The following BBLN variants were observed in gnomAD, a reference collection of about 807,000 sequenced individuals.
BBLN encodes the protein bublin coiled coil protein.
In BBLN, 6 loss-of-function variants were observed where a neutral mutation model predicts 7.6. The ratio of observed to expected loss-of-function variants is 0.79; its 90% CI spans 0.43 to 1.55. The LOEUF (loss-of-function observed/expected upper bound fraction) is 1.55, where lower values mean the gene tolerates loss of function less well. BBLN is among the 40% of genes most tolerant of loss of function. The pLI, the probability that BBLN is intolerant of heterozygous loss-of-function variation, is 0.01. For synonymous variants in BBLN, 35 were observed against 46.7 expected (o/e 0.75, Z 1.02); for missense variants, 100 against 111.1 (o/e 0.90, Z 0.45).
rs1829240892 is a variant in BBLN, at chr9:128,160,359, G to C, written c.-49G>C. 1.7e-6 allele frequency: 2 copies of C among 1,149,464 alleles called. No individual in the cohort carries two copies. Among genetic ancestry groups the C allele is most frequent in the Admixed American group, 4.2e-5 (1 of 23,646 alleles). 71.2% of individuals were successfully genotyped at this position (1,149,464 alleles called of 1,614,324 possible). On this transcript the variant is annotated 5_prime_UTR_variant, in exon 1 of 2. Coordinates refer to ENST00000372994, the MANE Select transcript of BBLN (RefSeq NM_024112.4). ...ATCCGGCGCCGGCTTTCGGCGCGAC[G>C]GTCGCCGCGTTCCATCGTCGCGCGG...
Position 128,160,388 on chromosome 9 carries a change from T to C in BBLN, c.-20T>C. ...GCCGCGTTCCATCGTCGCGCGGCCCTTCGGGCGCCCGAGCCCGCAATGTCG... is the reference window on the plus strand; with the variant it reads ...GCCGCGTTCCATCGTCGCGCGGCCCCTCGGGCGCCCGAGCCCGCAATGTCG... On this transcript the variant is annotated 5_prime_UTR_variant, in exon 1 of 2. Coordinates refer to ENST00000372994, the MANE Select transcript of BBLN (RefSeq NM_024112.4). 1 of 1,248,716 alleles carries C rather than the reference T, an allele frequency of 8.0e-7. No homozygotes were observed. The highest frequency in any genetic ancestry group is 3.5e-5 in the South Asian group (1 of 28,686). 77.4% of individuals were successfully genotyped at this position (1,248,716 alleles called of 1,614,324 possible).
At position 128,163,378 on chromosome 9, in the gene BBLN, G is replaced by A; in HGVS notation, c.80-65G>A. ...GGGAAGCAGGCTGGGAAACAGTGGA[G>A]GGAGGGTGTCCATTAGCCCCAAGGA... On this transcript the variant is annotated intron_variant, in intron 1 of 1. Transcript: ENST00000372994. The surrounding 1 kb of genome is among the most constrained non-coding windows in gnomAD (Gnocchi z 5.7). The A allele has an allele frequency of 7.1e-7, 1 of 1,410,318 alleles. No individual in the cohort carries two copies. The highest frequency in any genetic ancestry group is 9.5e-7 in the Non-Finnish European group (1 of 1,053,158). 87.4% of individuals were successfully genotyped at this position (1,410,318 alleles called of 1,614,324 possible). A position where few individuals can be genotyped will look rare whatever the true frequency, so the allele number is the denominator to read the frequency against.
At chr9:128,160,625 C>A in intron 1 of BBLN, 139 bp downstream of exon 1, 1 of 676,588 alleles carries the variant, frequency 1.5e-6, no homozygotes, top group Non-Finnish European at 2.4e-6. Context: ...TAGGTGCTGT[C>A]TCGGATGCAG....
At chr9:128,160,754 C>T (rs1829245852) in intron 1 of BBLN, among the ~76,000 whole-genome samples, 1 of 152,244 alleles carries the variant, frequency 6.6e-6, no homozygotes, top group Non-Finnish European at 1.5e-5. Context: ...CCTTGCTCCA[C>T]CACTTCCTTC....
chr9:128,162,450 G>C (rs988245721), intron 1 of BBLN: 1 of 152,628 alleles, frequency 6.6e-6, no homozygotes. Flanking sequence ...TGGAGTGGCC[G>C]TGGAGGGGAG....
At chr9:128,161,236 G>GAAA (rs1463833640) in intron 1 of BBLN, among the ~76,000 whole-genome samples, 1 of 151,336 alleles carries the variant, frequency 6.6e-6, no homozygotes, top group East Asian at 2.0e-4. Flanking sequence ...CATGCTCTTT[G>GAAA]TTTTGTTTGG....
Position 128,163,090 on chromosome 9 carries a change from G to A in BBLN, c.80-353G>A. 5.6e-6 allele frequency: 1 copy of A among 179,884 alleles called. No individual in the cohort carries two copies. Among genetic ancestry groups the A allele is most frequent in the Non-Finnish European group, 1.2e-5 (1 of 85,800 alleles). 11.1% of individuals were successfully genotyped at this position (179,884 alleles called of 1,614,324 possible). On this transcript the variant is annotated intron_variant, in intron 1 of 1. Coordinates refer to ENST00000372994, the MANE Select transcript of BBLN (RefSeq NM_024112.4). This position sits in a 1 kb window ranked among gnomAD's most constrained non-coding sequence, Gnocchi z 5.7. ...GGCTGGCGAACAGGGCCCATCTGGG[G>A]ACAGAGGCCTTGAATGCCCAACTCA...
rs113035711 is a variant in BBLN, at chr9:128,161,813, A to G, written c.79+1327A>G. ...CTGCCACCACGCCTGGCTAATTTTTATACATCTTTAGTAGAGACAATGTTT... is the reference window on the plus strand; with the variant it reads ...CTGCCACCACGCCTGGCTAATTTTTGTACATCTTTAGTAGAGACAATGTTT... On this transcript the variant is annotated intron_variant, in intron 1 of 1. Coordinates refer to ENST00000372994, the MANE Select transcript of BBLN (RefSeq NM_024112.4). 5.4e-4 allele frequency among the ~76,000 whole-genome samples: 81 copies of G among 151,312 alleles called. 4 individuals carry two copies. Among genetic ancestry groups the G allele is most frequent in the African/African-American group, 1.8e-3 (76 of 41,270 alleles).
intron 1 of BBLN, among the ~76,000 whole-genome samples, 163 bp downstream of exon 1, chr9:128,160,649 G>T (rs1829244857): frequency 6.6e-6 from 1 of 152,228 alleles, no homozygotes; most frequent in Non-Finnish European, 1.5e-5. Context: ...GAGCACCCGC[G>T]AGCCGGTTCC....
Position 128,163,812 on chromosome 9 carries a change from C to T in BBLN, c.*197C>T, listed in dbSNP as rs1206309870. ...GCCAGCCCCCACCACCTGGCATGCC[C>T]TCCTGGGGCCAAGAGTGGGCCTGCA... On this transcript the variant is annotated 3_prime_UTR_variant, in exon 2 of 2. Coordinates refer to ENST00000372994, the MANE Select transcript of BBLN (RefSeq NM_024112.4). The surrounding 1 kb of genome is among the most constrained non-coding windows in gnomAD (Gnocchi z 5.7). 4 of 532,508 alleles carry T rather than the reference C, an allele frequency of 7.5e-6. No homozygotes were observed. In the East Asian group the frequency reaches 9.7e-5, roughly 13 times the overall value. 33.0% of individuals were successfully genotyped at this position (532,508 alleles called of 1,614,324 possible). A position where few individuals can be genotyped will look rare whatever the true frequency, so the allele number is the denominator to read the frequency against.
In BBLN at chr9:128,160,349, T is replaced by A; in HGVS notation, c.-59T>A. ...TCCACCTTCCATCCGGCGCCGGCTT[T>A]CGGCGCGACGGTCGCCGCGTTCCAT... On this transcript the variant is annotated 5_prime_UTR_variant, in exon 1 of 2. Coordinates refer to ENST00000372994, the MANE Select transcript of BBLN (RefSeq NM_024112.4). 9.3e-7 allele frequency: 1 copy of A among 1,076,548 alleles called. No homozygotes were observed. Among genetic ancestry groups the A allele is most frequent in the Non-Finnish European group, 1.2e-6 (1 of 840,562 alleles). 66.7% of individuals were successfully genotyped at this position (1,076,548 alleles called of 1,614,324 possible).
chr9:128,160,486 G>A lies in BBLN; in HGVS notation c.79G>A (p.Glu27Lys). 3.1e-6 allele frequency: 4 copies of A among 1,273,610 alleles called. No individual in the cohort carries two copies. The highest frequency in any genetic ancestry group is 4.0e-6 in the Non-Finnish European group (4 of 1,001,114). The allele number at this position is 1,273,610 out of a possible 1,614,324, so 78.9% of individuals were successfully genotyped here. A position where few individuals can be genotyped will look rare whatever the true frequency, so the allele number is the denominator to read the frequency against. Reference sequence around the variant, plus strand: ...CGAGGAGGACGGCTTCGGGGAAGCAGGTGACCCGAGGGGGCTGCTGGAGCA... The same window carrying A: ...CGAGGAGGACGGCTTCGGGGAAGCAAGTGACCCGAGGGGGCTGCTGGAGCA... Reference protein sequence around the residue: ...EGEEDGFGEAEYAAINSMLDQ... With the variant: ...EGEEDGFGEAKYAAINSMLDQ... The change falls in exon 1 of 2, where the codon GAA (glutamate) becomes AAA (lysine). Residue 27 changes from glutamate (E) to lysine (K), a missense_variant and splice_region_variant. By Grantham distance (56) the Glu-to-Lys change is moderately conservative (BLOSUM62 1). Transcript: ENST00000372994.
At position 128,160,395 on chromosome 9, in the gene BBLN, G is replaced by T. The variant is rs1287981910; in HGVS notation, c.-13G>T. ...TCCATCGTCGCGCGGCCCTTCGGGC[G>T]CCCGAGCCCGCAATGTCGGGCCCCA... is the stretch of plus-strand genomic sequence containing the variant. On this transcript the variant is annotated 5_prime_UTR_variant, in exon 1 of 2. Coordinates refer to ENST00000372994, the MANE Select transcript of BBLN (RefSeq NM_024112.4). 2 of 1,251,314 alleles carry T rather than the reference G, an allele frequency of 1.6e-6. No homozygotes were observed. The highest frequency in any genetic ancestry group is 2.0e-6 in the Non-Finnish European group (2 of 992,112). 77.5% of individuals were successfully genotyped at this position (1,251,314 alleles called of 1,614,324 possible).
At position 128,160,319 on chromosome 9, in the gene BBLN, C is replaced by A; in HGVS notation, c.-89C>A. The A allele has an allele frequency of 2.8e-6, 2 of 706,926 alleles. No individual in the cohort carries two copies. Among genetic ancestry groups the A allele is most frequent in the South Asian group, 6.2e-5 (1 of 16,134 alleles). The allele number at this position is 706,926 out of a possible 1,614,324, so 43.8% of individuals were successfully genotyped here. Reference sequence around the variant, plus strand: ...ACCCTTCCGGCCCGTGTTCTATCCGCCGCCTCCACCTTCCATCCGGCGCCG... The same window carrying A: ...ACCCTTCCGGCCCGTGTTCTATCCGACGCCTCCACCTTCCATCCGGCGCCG... On this transcript the variant is annotated 5_prime_UTR_variant, in exon 1 of 2. Coordinates refer to ENST00000372994, the MANE Select transcript of BBLN (RefSeq NM_024112.4).
rs1052203 is a variant in BBLN, at chr9:128,163,736, C to T, written c.*121C>T. On this transcript the variant is annotated 3_prime_UTR_variant, in exon 2 of 2. Coordinates refer to ENST00000372994, the MANE Select transcript of BBLN (RefSeq NM_024112.4). This position sits in a 1 kb window ranked among gnomAD's most constrained non-coding sequence, Gnocchi z 5.7. ...TGGCCTTCAGGGACCCCTGGTGGGT[C>T]TGCCTGCCTGGGCCACCCTTCCTGC... 1 of 890,654 alleles carries T rather than the reference C, an allele frequency of 1.1e-6. No individual in the cohort carries two copies. Among genetic ancestry groups the T allele is most frequent in the South Asian group, 2.1e-5 (1 of 46,892 alleles). The allele number at this position is 890,654 out of a possible 1,614,324, so 55.2% of individuals were successfully genotyped here.
chr9:128,163,502 G>A lies in BBLN; in HGVS notation c.139G>A (p.Glu47Lys). The A allele has an allele frequency of 1.2e-6, 2 of 1,612,472 alleles. No homozygotes were observed. The highest frequency in any genetic ancestry group is 1.7e-6 in the Non-Finnish European group (2 of 1,179,068). The change falls in exon 2 of 2, where the codon GAG becomes AAG. Residue 47 changes from glutamate to lysine, a missense_variant. Coordinates refer to ENST00000372994, the MANE Select transcript of BBLN (RefSeq NM_024112.4). The surrounding 1 kb of genome is among the most constrained non-coding windows in gnomAD (Gnocchi z 5.7). ...QINSCLDHLE[E>K]KNDHLHARLQ... Reference sequence around the variant, plus strand: ...CAACTCCTGTCTGGACCACCTGGAGGAGAAGAATGACCACCTCCACGCCCG... The same window carrying A: ...CAACTCCTGTCTGGACCACCTGGAGAAGAAGAATGACCACCTCCACGCCCG...
Position 128,160,332 on chromosome 9 carries a change from C to T in BBLN, c.-76C>T. ...GTGTTCTATCCGCCGCCTCCACCTT[C>T]CATCCGGCGCCGGCTTTCGGCGCGA... is the stretch of plus-strand genomic sequence containing the variant. On this transcript the variant is annotated 5_prime_UTR_variant, in exon 1 of 2. Transcript: ENST00000372994. 1.2e-6 allele frequency: 1 copy of T among 855,636 alleles called. No individual in the cohort carries two copies. The highest frequency in any genetic ancestry group is 1.6e-6 in the Non-Finnish European group (1 of 640,508). The allele number at this position is 855,636 out of a possible 1,614,324, so 53.0% of individuals were successfully genotyped here. A position where few individuals can be genotyped will look rare whatever the true frequency, so the allele number is the denominator to read the frequency against.
intron 1 of BBLN, 43 bp downstream of exon 1, chr9:128,160,529 C>G (rs962537988): frequency 1.7e-6 from 2 of 1,194,960 alleles, no homozygotes; most frequent in African/African-American, 3.2e-5. Context: ...ATTTTCAGGG[C>G]TGCCCTCCCG....
At position 128,160,327 on chromosome 9, in the gene BBLN, A is replaced by G. The variant is rs1247491027; in HGVS notation, c.-81A>G. 1 of 800,102 alleles carries G rather than the reference A, an allele frequency of 1.2e-6. No homozygotes were observed. Among genetic ancestry groups the G allele is most frequent in the African/African-American group, 1.8e-5 (1 of 55,724 alleles). 49.6% of individuals were successfully genotyped at this position (800,102 alleles called of 1,614,324 possible). On this transcript the variant is annotated 5_prime_UTR_variant, in exon 1 of 2. Coordinates refer to ENST00000372994, the MANE Select transcript of BBLN (RefSeq NM_024112.4). ...GGCCCGTGTTCTATCCGCCGCCTCC[A>G]CCTTCCATCCGGCGCCGGCTTTCGG...
Sources: allele counts gnomAD v4.1 joint callset (sites outside exome capture counted in the v4.1 genomes callset), GRCh38; gene constraint gnomAD v4.1.1; non-coding constraint Gnocchi (gnomAD v3.1); transcripts MANE v1.5; gene names NCBI Gene and HGNC (gene_info 2026-07-23, HGNC 2026-07-21).